Variants in STS observed in about 807,000 individuals in gnomAD.
STS encodes the protein steryl-sulfatase.
STS carries 7 observed loss-of-function variants against 26.8 expected under a neutral mutation model. That is an observed-to-expected ratio of 0.26 (90% CI 0.15 to 0.49). The LOEUF is 0.49. Among genes scored for constraint, STS ranks in the 20% least tolerant of loss-of-function variants. STS has a pLI of 0.98. For synonymous variants in STS, 199 were observed against 189.4 expected (o/e 1.05, Z -0.42); for missense variants, 434 against 465.6 (o/e 0.93, Z 0.63).
chrX:7,334,076 C>T lies in STS; in HGVS notation c.1332C>T (p.Tyr444=), dbSNP rs750868554. 1 of 1,211,628 alleles carries T rather than the reference C, an allele frequency of 8.3e-7. No homozygotes were observed. Among genetic ancestry groups the T allele is most frequent in the Non-Finnish European group, 1.1e-6 (1 of 895,396 alleles). ...HEFLFHYCNA[Y]LNAVRWHPQN... ...TTCTCTTCCATTACTGCAACGCCTA[C>T]TTAAATGCTGTGCGCTGGCACCCTC... is the stretch of plus-strand genomic sequence containing the variant. Residue 444 remains tyrosine, a synonymous_variant, in exon 10 of 11, where the codon TAC becomes TAT. Coordinates refer to ENST00000674429, the MANE Select transcript of STS (RefSeq NM_001320752.2).
chrX:7,177,192 T>C (rs925552486), intron 1 of STS, among the ~76,000 whole-genome samples: 2 of 110,874 alleles, frequency 1.8e-5, no homozygotes, highest in Admixed American at 1.9e-4. Flanking sequence ...TGTGGACACC[T>C]TTGGGGGTTG....
chrX:7,257,173 C>T, intron 3 of STS, 69 bp from the exon 4 acceptor site: 1 of 1,183,591 alleles, frequency 8.4e-7, no homozygotes, highest in African/African-American at 1.7e-5. Flanking sequence ...GAGTGAGATC[C>T]TGTCTCAAAA....
chrX:7,253,610 C>T (rs753000241), intron 3 of STS, among the ~76,000 whole-genome samples: 1 of 112,122 alleles, frequency 8.9e-6, no homozygotes, highest in Non-Finnish European at 1.9e-5. Flanking sequence ...TACGATGCTG[C>T]TTTCCACACA....
rs113505189 is a variant in STS at position 7,257,614 on chromosome X, C to T, written c.382+26C>T. The T allele has an allele frequency of 4.1e-5, 50 of 1,208,548 alleles. No homozygotes were observed. The African/African-American group carries it at 7.5e-4, about 18-fold the overall frequency. On this transcript the variant is annotated intron_variant, in intron 5 of 10. Coordinates refer to ENST00000674429, the MANE Select transcript of STS (RefSeq NM_001320752.2). ...GTATGGACATCTATGGGATGGGAAC[C>T]ATCTATAGGTATGGGAATGGGAGGG...
intron 1 of STS, among the ~76,000 whole-genome samples, chrX:7,182,990 A>G (rs1360252555): frequency 8.0e-5 from 9 of 111,954 alleles, no homozygotes; most frequent in African/African-American, 2.9e-4. Context: ...TGGCGTCCTT[A>G]TCAAAAAAGA....
rs185855583 is a variant in STS, at chrX:7,336,465, G to T, written c.1363+2358G>T. Among the ~76,000 whole-genome samples the T allele has an allele frequency of 7.9e-3, 881 of 111,671 alleles. 7 individuals carry two copies. Among genetic ancestry groups the T allele is most frequent in the Non-Finnish European group, 9.9e-3 (527 of 53,119 alleles). ...CTATTAGCCACAGAAATCACACCAG[G>T]TTTATGCTTCAGAGTTTCTCCTTTA... is the stretch of plus-strand genomic sequence containing the variant. On this transcript the variant is annotated intron_variant, in intron 10 of 10. Transcript: ENST00000674429.
chrX:7,325,586 C>T (rs992656361), intron 9 of STS, 88 bp downstream of exon 9: 50 of 1,089,412 alleles, frequency 4.6e-5, no homozygotes, highest in Non-Finnish European at 7.6e-6. Flanking sequence ...GGTGTGGGGA[C>T]CAAGGCCTTT....
intron 9 of STS, among the ~76,000 whole-genome samples, chrX:7,326,597 T>G (rs1262144349): frequency 8.9e-6 from 1 of 112,460 alleles, no homozygotes; most frequent in Admixed American, 9.4e-5. Context: ...GTCTTTCTCT[T>G]AAATTTAAAT....
chrX:7,323,614 C>G (rs1374486128), intron 8 of STS, among the ~76,000 whole-genome samples: 1 of 111,685 alleles, frequency 9.0e-6, no homozygotes, highest in Non-Finnish European at 1.9e-5. Context: ...TTTCTTTATC[C>G]AATCCCTGTC....
intron 2 of STS, among the ~76,000 whole-genome samples, chrX:7,204,938 A>G (rs182216498): frequency 1.9e-5 from 2 of 107,160 alleles, no homozygotes; most frequent in Non-Finnish European, 3.8e-5. Flanking sequence ...GTTACTTATG[A>G]TATCCTTCTC....
intron 7 of STS, among the ~76,000 whole-genome samples, chrX:7,282,429 G>A (rs1281875549): frequency 8.9e-6 from 1 of 112,119 alleles, no homozygotes; most frequent in African/African-American, 3.2e-5. Context: ...TTGAACTCCT[G>A]GGCTCAAGCG....
chrX:7,295,762 A>G (rs1253068668), intron 7 of STS, among the ~76,000 whole-genome samples: 2 of 111,061 alleles, frequency 1.8e-5, no homozygotes, highest in African/African-American at 3.3e-5. Flanking sequence ...GGATATTGCA[A>G]AGAAGCTGTG....
At chrX:7,246,188 C>T (rs1022097700) in intron 2 of STS, among the ~76,000 whole-genome samples, 1 of 111,679 alleles carries the variant, frequency 9.0e-6, no homozygotes, top group Non-Finnish European at 1.9e-5. Context: ...CGTAAAAAAA[C>T]CCGTTCACAA....
At chrX:7,271,027 G>T in intron 6 of STS, among the ~76,000 whole-genome samples, 1 of 106,828 alleles carries the variant, frequency 9.4e-6, no homozygotes. Flanking sequence ...TTGAGCAAGA[G>T]GACTGCTATC....
chrX:7,299,542 A>C (rs1009974316), intron 7 of STS, among the ~76,000 whole-genome samples: 1 of 108,783 alleles, frequency 9.2e-6, no homozygotes, highest in Non-Finnish European at 1.9e-5. Flanking sequence ...TGCTTCCAAA[A>C]GTATAACTTT....
chrX:7,240,491 GTA>G (rs200949321), intron 2 of STS, among the ~76,000 whole-genome samples: 692 of 37,199 alleles, frequency 0.019, 9 homozygotes, highest in African/African-American at 0.052. Context: ...ACACAGATAT[GTA>G]TGTGTGTGTG....
At chrX:7,215,050 T>TAC (rs1569191655) in intron 2 of STS, among the ~76,000 whole-genome samples, 5 of 89,985 alleles carry the variant, frequency 5.6e-5, no homozygotes, top group Middle Eastern at 0.011. Context: ...TACATATATA[T>TAC]ACGTATATAT....
chrX:7,299,159 A>G (rs1925828897), intron 7 of STS, among the ~76,000 whole-genome samples: 1 of 95,872 alleles, frequency 1.0e-5, no homozygotes, highest in Non-Finnish European at 2.0e-5. Flanking sequence ...AAATTGTATA[A>G]TTAAAATTTA....
chrX:7,331,887 TAA>T (rs11396837), intron 9 of STS, among the ~76,000 whole-genome samples: 5 of 74,261 alleles, frequency 6.7e-5, no homozygotes, highest in Admixed American at 1.6e-4. Context: ...TGTGGGATAT[TAA>T]AAAAAAAAAA....
Sources: allele counts gnomAD v4.1 joint callset (sites outside exome capture counted in the v4.1 genomes callset), GRCh38; gene constraint gnomAD v4.1.1; transcripts MANE v1.5; gene names NCBI Gene and HGNC (gene_info 2026-07-23, HGNC 2026-07-21).